The following PDZD2 variants were observed in gnomAD, a reference collection of about 807,000 sequenced individuals.
PDZD2 encodes the protein PDZ domain containing 2, also known as PDZ domain-containing protein 2.
In PDZD2, 90 loss-of-function variants were observed where a neutral mutation model predicts 220.7. The observed-to-expected ratio is 0.41, with a 90% CI of 0.34 to 0.49. PDZD2 has a LOEUF of 0.49. PDZD2 is among the 20% of genes least tolerant of loss of function. The pLI, the probability that PDZD2 is intolerant of heterozygous loss-of-function variation, is 0.28. For missense variants in PDZD2, 3,174 were observed against 3,608.5 expected (o/e 0.88, Z 3.08); for synonymous variants, 1,375 against 1,450.5 (o/e 0.95, Z 1.18).
chr5:31,657,197 T>C (rs1203584616), intron 1 of PDZD2: 1 of 152,268 alleles, frequency 6.6e-6, no homozygotes, highest in Non-Finnish European at 1.5e-5. Context: ...ATGGGAAAGC[T>C]GTTGATGTAG....
At chr5:31,924,828 G>T (rs1744597542) in intron 2 of PDZD2, among the ~76,000 whole-genome samples, 1 of 152,206 alleles carries the variant, frequency 6.6e-6, no homozygotes, top group African/African-American at 2.4e-5. Context: ...AAATTGGCTG[G>T]TGATATTGGC....
chr5:32,044,906 T>C (rs1342980094), intron 7 of PDZD2, among the ~76,000 whole-genome samples: 1 of 152,204 alleles, frequency 6.6e-6, no homozygotes, highest in Non-Finnish European at 1.5e-5. Flanking sequence ...GGAATTGGGC[T>C]TTGATTCAGT....
At chr5:32,057,417 A>G (rs1209771095) in intron 10 of PDZD2, among the ~76,000 whole-genome samples, 2 of 152,234 alleles carry the variant, frequency 1.3e-5, no homozygotes, top group East Asian at 3.8e-4. Flanking sequence ...TAAGATTTTC[A>G]TGCTTCCCAT....
intron 1 of PDZD2, among the ~76,000 whole-genome samples, chr5:31,703,296 A>G (rs903512241): frequency 5.9e-5 from 9 of 152,254 alleles, no homozygotes; most frequent in Non-Finnish European, 8.8e-5. Context: ...CTATGCAGCC[A>G]TAAAAAAGAA....
chr5:31,718,867 A>AT (rs1748615124), intron 1 of PDZD2, among the ~76,000 whole-genome samples: 1 of 151,772 alleles, frequency 6.6e-6, no homozygotes, highest in African/African-American at 2.4e-5. Context: ...CACCCAGGTA[A>AT]TTTTTTGTAT....
At chr5:31,733,951 G>A (rs182722566) in intron 1 of PDZD2, among the ~76,000 whole-genome samples, 104 of 152,288 alleles carry the variant, frequency 6.8e-4, no homozygotes, top group African/African-American at 2.4e-3. Context: ...AGACCTCACA[G>A]GTTAAGCGCA....
chr5:31,849,872 A>ACACACG (rs1491557434), intron 2 of PDZD2, among the ~76,000 whole-genome samples: 1 of 47,716 alleles, frequency 2.1e-5, no homozygotes. Flanking sequence ...ATATATATAC[A>ACACACG]TATATATATA....
chr5:31,957,445 C>T (rs962420951), intron 2 of PDZD2, among the ~76,000 whole-genome samples: 3 of 152,166 alleles, frequency 2.0e-5, no homozygotes, highest in Admixed American at 2.0e-4. Flanking sequence ...ATGAACGAGT[C>T]AACTTAACAC....
intron 17 of PDZD2, among the ~76,000 whole-genome samples, chr5:32,073,351 CAA>C (rs111274360): frequency 0.036 from 5,444 of 152,190 alleles, 323 homozygotes; most frequent in African/African-American, 0.12. Flanking sequence ...GTTCATGCTG[CAA>C]AAGCACTCAC....
intron 1 of PDZD2, among the ~76,000 whole-genome samples, chr5:31,776,672 G>A (rs924726550): frequency 3.7e-5 from 5 of 136,808 alleles, no homozygotes; most frequent in Admixed American, 1.4e-4. Flanking sequence ...ATTTTGAGAC[G>A]GAGTCTTGCT....
chr5:31,761,014 G>A (rs567521619), intron 1 of PDZD2, among the ~76,000 whole-genome samples: 6 of 152,236 alleles, frequency 3.9e-5, no homozygotes, highest in South Asian at 2.1e-4. Context: ...ACAGTCAGGC[G>A]GAAGCTCTAG....
chr5:31,998,458 A>G (rs1299277448), intron 4 of PDZD2, among the ~76,000 whole-genome samples: 1 of 152,212 alleles, frequency 6.6e-6, no homozygotes, highest in Non-Finnish European at 1.5e-5. Context: ...GTGAGAGAAA[A>G]GCTGTTGAAG....
chr5:31,848,308 T>A (rs1225006417), intron 2 of PDZD2, among the ~76,000 whole-genome samples: 1 of 152,218 alleles, frequency 6.6e-6, no homozygotes, highest in Non-Finnish European at 1.5e-5. Context: ...GGCATCACAG[T>A]CAAGAAGCAT....
chr5:31,873,876 A>G (rs904146100), intron 2 of PDZD2, among the ~76,000 whole-genome samples: 3 of 151,988 alleles, frequency 2.0e-5, no homozygotes, highest in Non-Finnish European at 2.9e-5. Context: ...GAGTACAGGC[A>G]TGCATCACCA....
intron 3 of PDZD2, among the ~76,000 whole-genome samples, chr5:31,987,976 T>C (rs774290360): frequency 6.6e-6 from 1 of 152,176 alleles, no homozygotes; most frequent in Non-Finnish European, 1.5e-5. Context: ...CCTGCCTCTC[T>C]CTTTACTCCC....
intron 2 of PDZD2, among the ~76,000 whole-genome samples, chr5:31,875,645 A>C (rs1267663117): frequency 6.8e-6 from 1 of 148,060 alleles, no homozygotes; most frequent in African/African-American, 2.5e-5. Flanking sequence ...ATACAAATTT[A>C]ATATATTTTT....
chr5:31,712,455 TC>T, intron 1 of PDZD2, among the ~76,000 whole-genome samples: 1 of 20,932 alleles, frequency 4.8e-5, no homozygotes, highest in Non-Finnish European at 7.6e-5. Context: ...GGCCTGCCTC[TC>T]TCTCTCTCTC....
At position 31,865,968 on chromosome 5, in the gene PDZD2, G is replaced by A. The variant is rs541671619; in HGVS notation, c.476+66244G>A. Among the ~76,000 whole-genome samples, 33 of 147,482 alleles carry A rather than the reference G, an allele frequency of 2.2e-4. No individual in the cohort carries two copies. The South Asian group carries it at 6.9e-3, about 31-fold the overall frequency. ...TTAATCCCCTGGGTTTACCAGGATG[G>A]CAACTCTTGTTTTTGTTTTTGTCTT... On this transcript the variant is annotated intron_variant, in intron 2 of 24. Transcript: ENST00000438447.
intron 1 of PDZD2, among the ~76,000 whole-genome samples, chr5:31,701,957 G>A (rs150095570): frequency 2.0e-5 from 3 of 152,344 alleles, no homozygotes; most frequent in African/African-American, 7.2e-5. Context: ...GATTTGAGGG[G>A]AAACAATTAA....
Sources: allele counts gnomAD v4.1 joint callset (sites outside exome capture counted in the v4.1 genomes callset), GRCh38; gene constraint gnomAD v4.1.1; transcripts MANE v1.5; gene names NCBI Gene and HGNC (gene_info 2026-07-23, HGNC 2026-07-21).